Variants in STK32C observed in about 807,000 individuals in gnomAD.
STK32C encodes the protein serine/threonine-protein kinase 32C.
A neutral mutation model predicts 56.5 loss-of-function variants in STK32C; 31 were observed. That is an observed-to-expected ratio of 0.55 (90% CI 0.41 to 0.74). STK32C has a LOEUF of 0.74. STK32C is among the 30% of genes least tolerant of loss of function. The pLI, the probability that STK32C is intolerant of heterozygous loss-of-function variation, is 0.00. For synonymous variants in STK32C, 309 were observed against 289.4 expected (o/e 1.07, Z -0.69); for missense variants, 544 against 676.9 (o/e 0.80, Z 2.18).
Position 132,228,065 on chromosome 10 carries a change from G to C in STK32C, c.382C>G (p.Gln128Glu). 6.2e-7 allele frequency: 1 copy of C among 1,614,058 alleles called. No individual in the cohort carries two copies. The highest frequency in any genetic ancestry group is 8.5e-7 in the Non-Finnish European group (1 of 1,180,030). ...MYAMKYMNKQ[Q>E]CIERDEVRNV... ...CGGACCTCGTCGCGCTCGATGCACT[G>C]CTGCTTGTTCATGTACTTCATGGCG... The change falls in exon 3 of 12, where the codon CAG becomes GAG. Residue 128 changes from glutamine to glutamate, a missense_variant. Transcript: ENST00000298630.
chr10:132,261,163 G>A (rs1436964819), intron 1 of STK32C, among the ~76,000 whole-genome samples: 4 of 152,138 alleles, frequency 2.6e-5, no homozygotes, highest in Non-Finnish European at 4.4e-5. Context: ...CGGGGACTAC[G>A]AGCTTAGGCC....
Position 132,207,859 on chromosome 10 carries a change from G to A in STK32C, c.*151C>T, listed in dbSNP as rs1042020121. On this transcript the variant is annotated 3_prime_UTR_variant, in exon 12 of 12. Transcript: ENST00000298630. ...AGCCTCTTGTCCCCTGCACCACCAC[G>A]AGCCTGAGGTGTGAAATGTGTCCGG... is the stretch of plus-strand genomic sequence containing the variant. The A allele has an allele frequency of 1.6e-5, 15 of 947,356 alleles. No homozygotes were observed. Among genetic ancestry groups the A allele is most frequent in the Non-Finnish European group, 1.8e-5 (13 of 727,590 alleles). 58.7% of individuals were successfully genotyped at this position (947,356 alleles called of 1,614,324 possible).
intron 1 of STK32C, among the ~76,000 whole-genome samples, chr10:132,293,058 G>A (rs988604418): frequency 1.3e-5 from 2 of 152,236 alleles, no homozygotes; most frequent in African/African-American, 2.4e-5. Flanking sequence ...GGTGAGCAGC[G>A]AACGGCAAAC....
chr10:132,226,452 T>C (rs936141143), intron 4 of STK32C, among the ~76,000 whole-genome samples: 1 of 152,196 alleles, frequency 6.6e-6, no homozygotes, highest in African/African-American at 2.4e-5. Context: ...CCCTGGGATG[T>C]GGTGGATGGG....
intron 1 of STK32C, among the ~76,000 whole-genome samples, chr10:132,293,240 G>T (rs896258182): frequency 3.3e-5 from 5 of 152,186 alleles, no homozygotes; most frequent in Admixed American, 6.5e-5. Flanking sequence ...CTACTCTCAC[G>T]GTCCCTCCAC....
Position 132,307,446 on chromosome 10 carries a change from G to T in STK32C, c.262+126C>A. ...GCAGCCACCCGGCGCGAGCTTCTCCGGAAGCCGGGGCGCCCCGGGAAGCCG... is the reference window on the plus strand; with the variant it reads ...GCAGCCACCCGGCGCGAGCTTCTCCTGAAGCCGGGGCGCCCCGGGAAGCCG... On this transcript the variant is annotated intron_variant, in intron 1 of 11. Transcript: ENST00000298630. This position sits in a 1 kb window ranked among gnomAD's most constrained non-coding sequence, Gnocchi z 4.4. 1 of 1,135,212 alleles carries T rather than the reference G, an allele frequency of 8.8e-7. No homozygotes were observed. The highest frequency in any genetic ancestry group is 1.8e-5 in the South Asian group (1 of 54,292). The allele number at this position is 1,135,212 out of a possible 1,614,324, so 70.3% of individuals were successfully genotyped here. A position where few individuals can be genotyped will look rare whatever the true frequency, so the allele number is the denominator to read the frequency against.
chr10:132,253,622 G>A (rs1455863562), intron 1 of STK32C, among the ~76,000 whole-genome samples: 1 of 148,884 alleles, frequency 6.7e-6, no homozygotes, highest in African/African-American at 2.5e-5. Context: ...CGAGGGAGCT[G>A]GAGGGAGCTG....
intron 1 of STK32C, among the ~76,000 whole-genome samples, chr10:132,271,642 C>A (rs902947991): frequency 2.0e-5 from 3 of 152,228 alleles, no homozygotes; most frequent in Non-Finnish European, 4.4e-5. Flanking sequence ...CCTGCAACCA[C>A]GGATCCAGCC....
At chr10:132,308,912 C>T (rs1228335515), upstream of STK32C, among the ~76,000 whole-genome samples, 1 of 152,216 alleles carries the variant, frequency 6.6e-6, no homozygotes, top group African/African-American at 2.4e-5. Flanking sequence ...GCCGCCTGCC[C>T]CTGGCGCTTG....
intron 1 of STK32C, among the ~76,000 whole-genome samples, chr10:132,301,864 C>T (rs534246636): frequency 7.9e-5 from 12 of 152,344 alleles, no homozygotes; most frequent in African/African-American, 2.4e-4. Context: ...CCAGGCCCAT[C>T]GGGAGCCCGG....
chr10:132,244,617 A>G (rs1049936353), intron 2 of STK32C, among the ~76,000 whole-genome samples: 15 of 151,844 alleles, frequency 9.9e-5, no homozygotes, highest in Non-Finnish European at 1.9e-4. Flanking sequence ...AGGCTTCCCA[A>G]CCTCCCTCCT....
In STK32C at chr10:132,265,046, G is replaced by A. The variant is rs965990592; in HGVS notation, c.263-19091C>T. On this transcript the variant is annotated intron_variant, in intron 1 of 11. Transcript: ENST00000298630. ...GCAACATGAGAACAGTAGAAGGTGC[G>A]AGCAGCAGACATGGCCGCAAGGGCG... Among the ~76,000 whole-genome samples, 7 of 151,360 alleles carry A rather than the reference G, an allele frequency of 4.6e-5. No homozygotes were observed. In the East Asian group the frequency reaches 5.8e-4, roughly 13 times the overall value.
At chr10:132,285,420 G>A (rs986156081) in intron 1 of STK32C, among the ~76,000 whole-genome samples, 3 of 152,222 alleles carry the variant, frequency 2.0e-5, no homozygotes, top group Non-Finnish European at 4.4e-5. Flanking sequence ...GATATTTTCA[G>A]ACTGTATTTT....
intron 1 of STK32C, among the ~76,000 whole-genome samples, chr10:132,262,669 T>C (rs2064341602): frequency 6.7e-6 from 1 of 148,986 alleles, no homozygotes; most frequent in Non-Finnish European, 1.5e-5. Context: ...TCCCAGCACT[T>C]TGGGAGGCTG....
chr10:132,211,517 G>A (rs866982607), intron 10 of STK32C, among the ~76,000 whole-genome samples: 4 of 152,212 alleles, frequency 2.6e-5, no homozygotes, highest in East Asian at 1.9e-4. Context: ...CGCCCAAGCC[G>A]GGCTGTGTCA....
At chr10:132,310,763 A>G (rs770215236), upstream of STK32C, among the ~76,000 whole-genome samples, 1 of 152,260 alleles carries the variant, frequency 6.6e-6, no homozygotes, top group East Asian at 1.9e-4. This position sits in a 1 kb window ranked among gnomAD's most constrained non-coding sequence, Gnocchi z 4.6. Flanking sequence ...GCAGGAGCAC[A>G]CAGGAAGGCA....
chr10:132,316,559 C>T (rs1468658695), intron 1 of STK32C, among the ~76,000 whole-genome samples: 3 of 152,142 alleles, frequency 2.0e-5, no homozygotes, highest in African/African-American at 7.2e-5. Context: ...GTTGAGGCTA[C>T]AGTGAACCAT....
intron 1 of STK32C, among the ~76,000 whole-genome samples, chr10:132,305,585 A>C (rs978527492): frequency 2.6e-5 from 4 of 152,314 alleles, no homozygotes; most frequent in African/African-American, 4.8e-5. Context: ...GACTGCACCA[A>C]CCTGAAAGGG....
At chr10:132,278,139 G>T (rs992813238) in intron 1 of STK32C, among the ~76,000 whole-genome samples, 1 of 152,076 alleles carries the variant, frequency 6.6e-6, no homozygotes, top group East Asian at 1.9e-4. Context: ...CCTCTGACTT[G>T]GCTCTCAGAG....
Sources: allele counts gnomAD v4.1 joint callset (sites outside exome capture counted in the v4.1 genomes callset), GRCh38; gene constraint gnomAD v4.1.1; non-coding constraint Gnocchi (gnomAD v3.1); transcripts MANE v1.5; gene names NCBI Gene and HGNC (gene_info 2026-07-23, HGNC 2026-07-21).